CEP85: variants seen among roughly 807,000 people sequenced by gnomAD.
CEP85 encodes the protein centrosomal protein of 85 kDa.
A neutral mutation model predicts 93.7 loss-of-function variants in CEP85; 58 were observed. That is an observed-to-expected ratio of 0.62 (90% CI 0.50 to 0.77). CEP85 has a LOEUF of 0.77. Ranked by LOEUF, CEP85 falls within the 30% of genes least tolerant of loss-of-function variation. The pLI, the probability that CEP85 is intolerant of heterozygous loss-of-function variation, is 0.00. For synonymous variants in CEP85, 314 were observed against 338.6 expected (o/e 0.93, Z 0.80); for missense variants, 868 against 922.0 (o/e 0.94, Z 0.76).
In CEP85 at chr1:26,269,602, C is replaced by A; in HGVS notation, c.1637C>A (p.Ser546Tyr). ...SLRQREAEFS[S>Y]AGHSLQDKQS... ...AGGCAGAGAGAAGCAGAATTCTCCTCCGCTGGACATAGGTAAATAACCCTG... is the reference window on the plus strand; with the variant it reads ...AGGCAGAGAGAAGCAGAATTCTCCTACGCTGGACATAGGTAAATAACCCTG... The change falls in exon 9 of 14, where the codon TCC becomes TAC. Residue 546 changes from serine (S) to tyrosine (Y), a missense_variant. Coordinates refer to ENST00000451429, the MANE Select transcript of CEP85 (RefSeq NM_001319944.2). 6.2e-7 allele frequency: 1 copy of A among 1,613,340 alleles called. No homozygotes were observed. Among genetic ancestry groups the A allele is most frequent in the Non-Finnish European group, 8.5e-7 (1 of 1,179,598 alleles).
Position 26,255,830 on chromosome 1 carries a change from C to T in CEP85, c.868C>T (p.Leu290=). Residue 290 remains leucine (L), a synonymous_variant, in exon 4 of 14, where the codon CTG becomes TTG. Coordinates refer to ENST00000451429, the MANE Select transcript of CEP85 (RefSeq NM_001319944.2). The part of the protein sequence containing the change: ...SCELSTCRQQ[L]ELIRLQMEQM... ...TGAACTCAGCACTTGTCGGCAGCAG[C>T]TGGAATTGATTCGTTTACAGATGGA... is the stretch of plus-strand genomic sequence containing the variant. The T allele has an allele frequency of 1.2e-6, 2 of 1,612,606 alleles. No homozygotes were observed. Among genetic ancestry groups the T allele is most frequent in the Non-Finnish European group, 1.7e-6 (2 of 1,178,978 alleles).
Position 26,269,562 on chromosome 1 carries a change from C to G in CEP85, c.1597C>G (p.Gln533Glu), listed in dbSNP as rs377506752. Residue 533 changes from glutamine (Q) to glutamate (E), a missense_variant, in exon 9 of 14, where the codon CAA (glutamine) becomes GAA (glutamate). Gln to Glu is a conservative substitution (Grantham distance 29). Coordinates refer to ENST00000451429, the MANE Select transcript of CEP85 (RefSeq NM_001319944.2). ...GGCAATCTGCAGAGAGAAGGAGATT[C>G]AACTGGAAAGCCTGAGGCAGAGAGA... is the stretch of plus-strand genomic sequence containing the variant. ...TQAICREKEI[Q>E]LESLRQREAE... The G allele has an allele frequency of 7.4e-6, 12 of 1,613,884 alleles. No individual in the cohort carries two copies. The African/African-American group carries it at 1.2e-4, about 16-fold the overall frequency.
intron 1 of CEP85, among the ~76,000 whole-genome samples, chr1:26,235,087 AGT>A (rs2089303902): frequency 6.6e-6 from 1 of 152,214 alleles, no homozygotes; most frequent in South Asian, 2.1e-4. Context: ...ACTGAAAGTT[AGT>A]GTGTTCAGGT....
chr1:26,265,936 G>A (rs1325990071), intron 7 of CEP85, among the ~76,000 whole-genome samples: 3 of 151,806 alleles, frequency 2.0e-5, no homozygotes, highest in South Asian at 2.1e-4. Context: ...AGCCAGGCTC[G>A]GTGGCTCACG....
chr1:26,275,041 C>A lies in CEP85; in HGVS notation c.1872C>A (p.Ala624=). 2 of 1,582,498 alleles carry A rather than the reference C, an allele frequency of 1.3e-6. No homozygotes were observed. Among genetic ancestry groups the A allele is most frequent in the South Asian group, 1.2e-5 (1 of 86,110 alleles). The part of the protein sequence containing the change: ...LREEAQRRDS[A]LQQLRTAVKE... ...AGGAGGCCCAGCGAAGGGATTCAGC[C>A]CTGCAGCAGCTGCGCACAGCCGTGA... Residue 624 remains alanine (A), a synonymous_variant, in exon 12 of 14, where the codon GCC becomes GCA. Transcript: ENST00000451429.
At chr1:26,238,202 C>CTTTTTTTTTT (rs67466493) in intron 1 of CEP85, among the ~76,000 whole-genome samples, 985 of 88,258 alleles carry the variant, frequency 0.011, 90 homozygotes, top group Middle Eastern at 0.024. Context: ...GTCCCAAACT[C>CTTTTTTTTTT]TTTTTTTTTT....
rs36013141 is a variant in CEP85 at position 26,276,636 on chromosome 1, G to C, written c.2004G>C (p.Gln668His). Residue 668 changes from glutamine to histidine, a missense_variant, in exon 13 of 14, where the codon CAG (glutamine) becomes CAC (histidine). By Grantham distance (24) the Gln-to-His change is conservative (BLOSUM62 0). Transcript: ENST00000451429. The stretch of plus-strand genomic sequence containing the variant: ...CTCCACCTTCACCAGACACGGCCCA[G>C]CTGGCACTTGAGCTGCACCAGGAGT... ...PGSPPSPDTAQLALELHQELA... is the reference protein window; with the variant it reads ...PGSPPSPDTAHLALELHQELA... 1 of 1,614,212 alleles carries C rather than the reference G, an allele frequency of 6.2e-7. No homozygotes were observed.
chr1:26,235,496 A>C (rs376550694), intron 1 of CEP85, among the ~76,000 whole-genome samples: 1 of 151,458 alleles, frequency 6.6e-6, no homozygotes, highest in African/African-American at 2.4e-5. Flanking sequence ...TATCCCTTCA[A>C]ATCCTCTCTT....
At chr1:26,236,931 G>T (rs188346294) in intron 1 of CEP85, among the ~76,000 whole-genome samples, 16 of 152,302 alleles carry the variant, frequency 1.1e-4, no homozygotes, top group African/African-American at 3.9e-4. Flanking sequence ...CTGGGTTAAG[G>T]TATCCTGGGG....
chr1:26,258,284 C>CCA, intron 6 of CEP85, 24 bp downstream of exon 6: 6 of 1,477,376 alleles, frequency 4.1e-6, no homozygotes, highest in East Asian at 2.3e-5. Context: ...ATCAGGATGG[C>CCA]ATTCTGTTTG....
Position 26,255,455 on chromosome 1 carries a change from T to C in CEP85, c.493T>C (p.Phe165Leu). ...AGAAAATGGAATTGAGCAGTCCTGG[T>C]TTCCAGCAGTGGGCCATGAAAGACA... ...TGENGIEQSWFPAVGHERQEE... is the reference protein window; with the variant it reads ...TGENGIEQSWLPAVGHERQEE... The change falls in exon 4 of 14, where the codon TTT (phenylalanine) becomes CTT (leucine). Residue 165 changes from phenylalanine to leucine, a missense_variant. Phe to Leu is a conservative substitution (Grantham distance 22). Coordinates refer to ENST00000451429, the MANE Select transcript of CEP85 (RefSeq NM_001319944.2). 1 of 1,613,946 alleles carries C rather than the reference T, an allele frequency of 6.2e-7. No individual in the cohort carries two copies. Among genetic ancestry groups the C allele is most frequent in the Non-Finnish European group, 8.5e-7 (1 of 1,179,966 alleles).
chr1:26,270,298 G>A (rs576607232), intron 9 of CEP85, among the ~76,000 whole-genome samples: 2 of 152,300 alleles, frequency 1.3e-5, no homozygotes, highest in African/African-American at 4.8e-5. Context: ...GAGCTGTGTA[G>A]GCTAAAGGCT....
rs922659413 is a variant in CEP85, at chr1:26,255,850, G to A, written c.888G>A (p.Gln296=). The A allele has an allele frequency of 3.1e-6, 5 of 1,609,022 alleles. No individual in the cohort carries two copies. In the Admixed American group the frequency reaches 5.0e-5, roughly 16 times the overall value. Residue 296 remains glutamine, a synonymous_variant, in exon 4 of 14, where the codon CAG becomes CAA. Coordinates refer to ENST00000451429, the MANE Select transcript of CEP85 (RefSeq NM_001319944.2). ...AGCAGCTGGAATTGATTCGTTTACAGATGGAGCAAATGCAGGTAGAGGTCT... is the reference window on the plus strand; with the variant it reads ...AGCAGCTGGAATTGATTCGTTTACAAATGGAGCAAATGCAGGTAGAGGTCT... ...CRQQLELIRL[Q]MEQMQLQNGA...
At chr1:26,273,916 A>ATAAG (rs1319865010) in intron 11 of CEP85, among the ~76,000 whole-genome samples, 6 of 141,768 alleles carry the variant, frequency 4.2e-5, no homozygotes, top group Non-Finnish European at 9.3e-5. Context: ...AAATAAATAA[A>ATAAG]TAAATAAATA....
intron 11 of CEP85, among the ~76,000 whole-genome samples, chr1:26,272,622 T>A (rs1418369440): frequency 7.6e-6 from 1 of 132,234 alleles, no homozygotes; most frequent in Admixed American, 7.4e-5. Context: ...ACAGCATTTT[T>A]TTTTTTTTTT....
intron 7 of CEP85, among the ~76,000 whole-genome samples, chr1:26,261,875 G>A (rs1047651415): frequency 5.9e-5 from 9 of 152,086 alleles, no homozygotes. Flanking sequence ...GGTATTATAA[G>A]TTTTGCTTTT....
intron 7 of CEP85, among the ~76,000 whole-genome samples, chr1:26,265,616 T>C (rs1197181154): frequency 3.3e-5 from 5 of 152,212 alleles, no homozygotes; most frequent in Admixed American, 1.3e-4. Flanking sequence ...TTTTCAGCTC[T>C]GTGGTTGATA....
chr1:26,262,531 G>T (rs2089827714), intron 7 of CEP85, among the ~76,000 whole-genome samples: 1 of 151,960 alleles, frequency 6.6e-6, no homozygotes, highest in South Asian at 2.1e-4. Context: ...GGATGTGACT[G>T]TTGGAAGGGG....
intron 11 of CEP85, among the ~76,000 whole-genome samples, chr1:26,273,900 C>CT (rs61689798): frequency 0.63 from 78,304 of 123,370 alleles, 22,470 homozygotes; most frequent in Non-Finnish European, 0.72. Flanking sequence ...AACCCCATCT[C>CT]AAAATAAATA....
Sources: allele counts gnomAD v4.1 joint callset (sites outside exome capture counted in the v4.1 genomes callset), GRCh38; gene constraint gnomAD v4.1.1; transcripts MANE v1.5; gene names NCBI Gene and HGNC (gene_info 2026-07-23, HGNC 2026-07-21).